MYH10: variants seen among roughly 807,000 people sequenced by gnomAD.
The protein encoded by MYH10 is myosin-10.
In MYH10, 55 loss-of-function variants were observed where a neutral mutation model predicts 257.8. The ratio of observed to expected loss-of-function variants is 0.21; its 90% confidence interval spans 0.17 to 0.27. MYH10 has a LOEUF of 0.27. Among genes scored for constraint, MYH10 ranks in the 10% least tolerant of loss-of-function variants. The probability of loss-of-function intolerance (pLI) is 1.00; values close to 1 mark genes in which losing one functional copy is unlikely to be tolerated. For synonymous variants in MYH10, 854 were observed against 921.7 expected (o/e 0.93, Z 1.33); for missense variants, 1,631 against 2,500.6 (o/e 0.65, Z 7.42).
At position 8,513,874 on chromosome 17, in the gene MYH10, T is replaced by C. The variant is rs758716832; in HGVS notation, c.2525A>G (p.Gln842Arg). 1 of 1,614,158 alleles carries C rather than the reference T, an allele frequency of 6.2e-7. No individual in the cohort carries two copies. The highest frequency in any genetic ancestry group is 2.2e-5 in the East Asian group (1 of 44,890). The change falls in exon 22 of 43, where the codon CAG (glutamine) becomes CGG (arginine). Residue 842 changes from glutamine to arginine, a missense_variant. Physicochemically the swap from Gln to Arg is conservative, Grantham distance 43 (BLOSUM62 1). Around this residue, in one of 11 missense-constraint regions of MYH10, gnomAD observed 116 missense variants for 221.6 expected, o/e 0.52. Transcript: ENST00000360416. ...LARKAFAKKQ[Q>R]QLSALKVLQR... is the part of the protein sequence containing the mutation. ...CAAGACCTTTAAGGCACTTAGTTGCTGCTGCTTCTTGGCAAAGGCCCTGAA... is the reference window on the plus strand; with the variant it reads ...CAAGACCTTTAAGGCACTTAGTTGCCGCTGCTTCTTGGCAAAGGCCCTGAA...
intron 25 of MYH10, among the ~76,000 whole-genome samples, 185 bp from the exon 26 acceptor site, chr17:8,508,862 C>T (rs774104168): frequency 2.0e-5 from 3 of 152,200 alleles, no homozygotes; most frequent in Non-Finnish European, 2.9e-5. Flanking sequence ...ACCGGATACA[C>T]GACAGTGGTC....
rs778859197 is a variant in MYH10 at position 8,490,505 on chromosome 17, C to T, written c.4719G>A (p.Glu1573=). 2 of 1,614,228 alleles carry T rather than the reference C, an allele frequency of 1.2e-6. No individual in the cohort carries two copies. Among genetic ancestry groups the T allele is most frequent in the Non-Finnish European group, 1.7e-6 (2 of 1,180,044 alleles). The change falls in exon 35 of 43, where the codon GAG becomes GAA. Residue 1573 remains glutamate, a synonymous_variant. Coordinates refer to ENST00000360416, the MANE Select transcript of MYH10 (RefSeq NM_001256012.3). This position sits in a 1 kb window ranked among gnomAD's most constrained non-coding sequence, Gnocchi z 4.1. ...KSKRALEQQV[E]EMRTQLEELE... is the part of the protein sequence containing the mutation. ...GCTCCTCCAGCTGGGTCCTCATTTC[C>T]TCCACCTGCTGCTCTAGGGCCCGTT...
intron 9 of MYH10, among the ~76,000 whole-genome samples, chr17:8,551,109 T>C (rs1202356971): frequency 1.4e-5 from 2 of 148,048 alleles, no homozygotes; most frequent in Admixed American, 6.8e-5. Context: ...CAAGTCCCCC[T>C]CTGTGAGAAA....
intron 3 of MYH10, among the ~76,000 whole-genome samples, chr17:8,604,383 C>T (rs1326265743): frequency 6.6e-6 from 1 of 152,166 alleles, no homozygotes; most frequent in Non-Finnish European, 1.5e-5. Context: ...CAAAATCAAC[C>T]AACTTAACAC....
chr17:8,519,868 A>T (rs2081592395), intron 19 of MYH10, among the ~76,000 whole-genome samples: 1 of 133,412 alleles, frequency 7.5e-6, no homozygotes, highest in African/African-American at 2.7e-5. Context: ...TTACCAAATA[A>T]AAGTTAAAAA....
intron 42 of MYH10, 61 bp from the exon 43 acceptor site, chr17:8,476,009 A>G: frequency 6.5e-7 from 1 of 1,548,814 alleles, no homozygotes; most frequent in Non-Finnish European, 8.7e-7. Context: ...GGCTGTCAAT[A>G]TGTTCAACCA....
intron 3 of MYH10, among the ~76,000 whole-genome samples, chr17:8,595,029 A>G (rs1466043910): frequency 6.6e-6 from 1 of 152,244 alleles, no homozygotes; most frequent in East Asian, 1.9e-4. Context: ...AATGTTCTTT[A>G]CATGGTGAGT....
chr17:8,575,378 T>C (rs2083466688), intron 6 of MYH10, among the ~76,000 whole-genome samples: 1 of 152,240 alleles, frequency 6.6e-6, no homozygotes, highest in Non-Finnish European at 1.5e-5. Flanking sequence ...ATTTAGCAAG[T>C]ACCTCTAAAG....
chr17:8,479,211 A>G (rs1913236892), intron 40 of MYH10, among the ~76,000 whole-genome samples: 1 of 151,970 alleles, frequency 6.6e-6, no homozygotes, highest in African/African-American at 2.4e-5. Flanking sequence ...TGTGATGTAG[A>G]GGGCTTTGGC....
At chr17:8,484,716 A>C (rs1233131112) in intron 36 of MYH10, among the ~76,000 whole-genome samples, 1 of 152,230 alleles carries the variant, frequency 6.6e-6, no homozygotes, top group Non-Finnish European at 1.5e-5. Flanking sequence ...TGATCATCAC[A>C]ATAAATGCTG....
chr17:8,584,359 T>C (rs547743170), intron 4 of MYH10, among the ~76,000 whole-genome samples: 31 of 152,042 alleles, frequency 2.0e-4, no homozygotes, highest in Non-Finnish European at 3.1e-4. Context: ...TGAGGCAAAA[T>C]TAATATAGAA....
intron 27 of MYH10, among the ~76,000 whole-genome samples, chr17:8,505,473 T>C (rs760748650): frequency 5.9e-5 from 9 of 152,140 alleles, no homozygotes; most frequent in African/African-American, 1.2e-4. Flanking sequence ...GTAAGGGAGA[T>C]TTTTCTTGAA....
chr17:8,535,658 T>A lies in MYH10; in HGVS notation c.1779+100A>T. 7.6e-7 allele frequency: 1 copy of A among 1,315,638 alleles called. No individual in the cohort carries two copies. 81.5% of individuals were successfully genotyped at this position (1,315,638 alleles called of 1,614,324 possible). A position where few individuals can be genotyped will look rare whatever the true frequency, so the allele number is the denominator to read the frequency against. The stretch of plus-strand genomic sequence containing the variant: ...GTTTGTAATATATACTGTATTTGTT[T>A]ATAAATGTTTATCAGCACCTTTGTT... On this transcript the variant is annotated intron_variant, in intron 15 of 42. Coordinates refer to ENST00000360416, the MANE Select transcript of MYH10 (RefSeq NM_001256012.3). This position sits in a 1 kb window ranked among gnomAD's most constrained non-coding sequence, Gnocchi z 4.3.
chr17:8,498,753 CAGG>C (rs1272282090), intron 30 of MYH10, among the ~76,000 whole-genome samples: 1 of 151,832 alleles, frequency 6.6e-6, no homozygotes, highest in Non-Finnish European at 1.5e-5. Context: ...GAGACTGAGG[CAGG>C]AGAATAGTGT....
chr17:8,497,738 C>CA (rs559562540), intron 30 of MYH10, among the ~76,000 whole-genome samples: 23 of 56,870 alleles, frequency 4.0e-4, no homozygotes, highest in Middle Eastern at 0.026. Context: ...GACTCTGTCT[C>CA]AAAAAAAAAA....
intron 30 of MYH10, among the ~76,000 whole-genome samples, chr17:8,498,419 A>G (rs1567801260): frequency 6.6e-6 from 1 of 152,176 alleles, no homozygotes; most frequent in Non-Finnish European, 1.5e-5. Context: ...TGCAATGAAC[A>G]TTCTTGAAGT....
intron 21 of MYH10, among the ~76,000 whole-genome samples, chr17:8,516,672 C>T (rs941166997): frequency 6.6e-6 from 1 of 152,186 alleles, no homozygotes; most frequent in African/African-American, 2.4e-5. Flanking sequence ...ATAGTTGTAG[C>T]ATGTTTCTGG....
intron 1 of MYH10, among the ~76,000 whole-genome samples, chr17:8,629,915 C>G (rs1400961460): frequency 6.6e-6 from 1 of 151,924 alleles, no homozygotes; most frequent in Non-Finnish European, 1.5e-5. Flanking sequence ...TCCGACCCTC[C>G]CCACGCCCGC....
chr17:8,540,140 C>A (rs2082253663), intron 14 of MYH10, among the ~76,000 whole-genome samples: 1 of 152,296 alleles, frequency 6.6e-6, no homozygotes, highest in South Asian at 2.1e-4. Flanking sequence ...CAGGCACATG[C>A]CACCACATCC....
Sources: allele counts gnomAD v4.1 joint callset (sites outside exome capture counted in the v4.1 genomes callset), GRCh38; gene constraint gnomAD v4.1.1; regional missense constraint gnomAD v4.1.1; non-coding constraint Gnocchi (gnomAD v3.1); transcripts MANE v1.5; gene names NCBI Gene and HGNC (gene_info 2026-07-23, HGNC 2026-07-21).